SCAP: variants seen among roughly 807,000 people sequenced by gnomAD.
SCAP encodes the protein SREBF chaperone.
SCAP carries 65 observed loss-of-function variants against 123.6 expected under a neutral mutation model. The observed-to-expected ratio is 0.53, with a 90% CI of 0.43 to 0.65. SCAP has a LOEUF of 0.65. SCAP is among the 30% of genes least tolerant of loss of function. The probability of loss-of-function intolerance (pLI) is 0.00; values close to 1 mark genes in which losing one functional copy is unlikely to be tolerated. For missense variants in SCAP, 1,398 were observed against 1,712.5 expected (o/e 0.82, Z 3.24); for synonymous variants, 740 against 726.3 (o/e 1.02, Z -0.30).
At chr3:47,416,793 A>ATTTTTTTTTTTTTT (rs566619829) in intron 18 of SCAP, among the ~76,000 whole-genome samples, 3 of 149,754 alleles carry the variant, frequency 2.0e-5, no homozygotes, top group African/African-American at 7.5e-5. Context: ...CGCCCGGCTA[A>ATTTTTTTTTTTTTT]TTTTTTGTAT....
chr3:47,458,770 G>C (rs1350470936), intron 1 of SCAP, among the ~76,000 whole-genome samples: 1 of 152,148 alleles, frequency 6.6e-6, no homozygotes, highest in Non-Finnish European at 1.5e-5. Flanking sequence ...CTAACAAAGG[G>C]ACTGAACTGC....
At chr3:47,448,355 ATG>A (rs149172776) in intron 1 of SCAP, among the ~76,000 whole-genome samples, 6 of 151,266 alleles carry the variant, frequency 4.0e-5, no homozygotes, top group East Asian at 1.9e-4. Flanking sequence ...GTCTTTCTGC[ATG>A]TGTGTGTGTG....
chr3:47,418,886 G>A, intron 13 of SCAP, 43 bp from the exon 14 acceptor site: 1 of 1,470,760 alleles, frequency 6.8e-7, no homozygotes, highest in Non-Finnish European at 9.0e-7. Flanking sequence ...GGCCTCCCAG[G>A]GCTTCCTCCT....
intron 19 of SCAP, 26 bp from the exon 20 acceptor site, chr3:47,415,019 ATC>A: frequency 6.3e-7 from 1 of 1,579,560 alleles, no homozygotes; most frequent in Non-Finnish European, 8.6e-7. Context: ...CAAGTGAAGA[ATC>A]TCTGAGAAAG....
chr3:47,454,219 TA>T (rs1459428783), intron 1 of SCAP, among the ~76,000 whole-genome samples: 2 of 151,782 alleles, frequency 1.3e-5, no homozygotes, highest in Admixed American at 1.3e-4. Context: ...TACAAAAAAT[TA>T]GCCGGGCGAG....
At position 47,420,460 on chromosome 3, in the gene SCAP, C is replaced by G; in HGVS notation, c.1563+94G>C. The G allele has an allele frequency of 8.5e-7, 1 of 1,170,522 alleles. No homozygotes were observed. The allele number at this position is 1,170,522 out of a possible 1,614,324, so 72.5% of individuals were successfully genotyped here. A position where few individuals can be genotyped will look rare whatever the true frequency, so the allele number is the denominator to read the frequency against. On this transcript the variant is annotated intron_variant, in intron 12 of 22. Transcript: ENST00000265565. This position sits in a 1 kb window ranked among gnomAD's most constrained non-coding sequence, Gnocchi z 5.0. ...AGGGGCCACCAGGGCCTGAGGAATA[C>G]CCTTTGCCACTCTAAGGCCAAGTGC...
At position 47,419,791 on chromosome 3, in the gene SCAP, G is replaced by C; in HGVS notation, c.1564-87C>G. 6.9e-7 allele frequency: 1 copy of C among 1,451,744 alleles called. No individual in the cohort carries two copies. Among genetic ancestry groups the C allele is most frequent in the Admixed American group, 2.4e-5 (1 of 41,290 alleles). 89.9% of individuals were successfully genotyped at this position (1,451,744 alleles called of 1,614,324 possible). ...CCTCATGCTGAGAGGAAGCAGCACA[G>C]GGACCTCAGGCCTGGGGATGGAGAG... is the stretch of plus-strand genomic sequence containing the variant. On this transcript the variant is annotated intron_variant, in intron 12 of 22. Coordinates refer to ENST00000265565, the MANE Select transcript of SCAP (RefSeq NM_012235.4). The surrounding 1 kb of genome is among the most constrained non-coding windows in gnomAD (Gnocchi z 5.0).
At chr3:47,444,255 T>C (rs562426423) in intron 1 of SCAP, among the ~76,000 whole-genome samples, 9 of 152,204 alleles carry the variant, frequency 5.9e-5, no homozygotes, top group Non-Finnish European at 1.0e-4. Context: ...TTCTTCGGTC[T>C]GTGCTAGAGG....
At chr3:47,476,741 A>C (rs1708280877), upstream of SCAP, among the ~76,000 whole-genome samples, 1 of 152,008 alleles carries the variant, frequency 6.6e-6, no homozygotes. Context: ...GGGGAAGGGG[A>C]GGCTGCCTCC....
At chr3:47,440,007 T>C (rs544077345) in intron 2 of SCAP, among the ~76,000 whole-genome samples, 6 of 152,340 alleles carry the variant, frequency 3.9e-5, no homozygotes, top group African/African-American at 1.2e-4. Flanking sequence ...CAAGCTGTCA[T>C]TGATCACCAT....
intron 18 of SCAP, 34 bp from the exon 19 acceptor site, chr3:47,415,214 C>A (rs765536460): frequency 6.3e-7 from 1 of 1,575,840 alleles, no homozygotes; most frequent in Non-Finnish European, 8.6e-7. Flanking sequence ...GGGGCCTCTC[C>A]CTTAGAGCCC....
At chr3:47,448,520 G>T in intron 1 of SCAP, among the ~76,000 whole-genome samples, 1 of 149,578 alleles carries the variant, frequency 6.7e-6, no homozygotes. Context: ...TAAACTTTCT[G>T]TTATTGTCCC....
rs375863599 is a variant in SCAP, at chr3:47,466,068, G to A, written c.-99+9731C>T. Reference sequence around the variant, plus strand: ...GAATCGCTTGAACCCAGGAGGTGGAGTTTGCAGTGAGCCAAGATTGCGTCA... The same window carrying A: ...GAATCGCTTGAACCCAGGAGGTGGAATTTGCAGTGAGCCAAGATTGCGTCA... On this transcript the variant is annotated intron_variant, in intron 1 of 22. Transcript: ENST00000265565. Among the ~76,000 whole-genome samples, 16 of 147,566 alleles carry A rather than the reference G, an allele frequency of 1.1e-4. No homozygotes were observed. The East Asian group carries it at 2.7e-3, about 25-fold the overall frequency.
intron 7 of SCAP, 77 bp from the exon 8 acceptor site, chr3:47,425,688 C>T: frequency 6.6e-7 from 1 of 1,520,606 alleles, no homozygotes; most frequent in South Asian, 1.2e-5. Context: ...GAGTAGGTTG[C>T]CCTGACAGTC....
chr3:47,425,198 G>A, intron 8 of SCAP: 2 of 371,138 alleles, frequency 5.4e-6, no homozygotes, highest in Non-Finnish European at 9.8e-6. Context: ...ACATACTCAT[G>A]TATACACAAA....
In SCAP at chr3:47,420,913, G is replaced by A. The variant is rs1360575310; in HGVS notation, c.1344+18C>T. On this transcript the variant is annotated intron_variant, in intron 11 of 22. Transcript: ENST00000265565. This position sits in a 1 kb window ranked among gnomAD's most constrained non-coding sequence, Gnocchi z 5.0. Reference sequence around the variant, plus strand: ...AGGGCTGAGGAGGCGGGCAGGGCAGGGCTCAGCCCACTCCTACCTCCATCC... The same window carrying A: ...AGGGCTGAGGAGGCGGGCAGGGCAGAGCTCAGCCCACTCCTACCTCCATCC... 2 of 1,607,050 alleles carry A rather than the reference G, an allele frequency of 1.2e-6. No individual in the cohort carries two copies. Among genetic ancestry groups the A allele is most frequent in the Non-Finnish European group, 1.7e-6 (2 of 1,173,858 alleles).
rs754355057 is a variant in SCAP, at chr3:47,420,680, A to G, written c.1437T>C (p.Ala479=). 2.9e-5 allele frequency: 46 copies of G among 1,611,532 alleles called. No homozygotes were observed. The highest frequency in any genetic ancestry group is 3.8e-5 in the Non-Finnish European group (45 of 1,179,948). The change falls in exon 12 of 23, where the codon GCT becomes GCC. Residue 479 remains alanine, a synonymous_variant. Transcript: ENST00000265565. This position sits in a 1 kb window ranked among gnomAD's most constrained non-coding sequence, Gnocchi z 5.0. ...TGGTGTGGGGTGTGGACGGCCTCAC[A>G]GCCAGCTGCCGCTCGTAGCGCGTTG... is the stretch of plus-strand genomic sequence containing the variant. The part of the protein sequence containing the change: ...GQPTRYERQL[A]VRPSTPHTIT...
chr3:47,417,804 C>T lies in SCAP; in HGVS notation c.2470G>A (p.Val824Met), dbSNP rs150328328. ...TCCTGAGCCTCAAGCCCGCTGCCCA[C>T]GCCACTGTCCCGGCGCTGCCTGCTG... ...RPGRQRRDSGVGSGLEAQESW... is the reference protein window; with the variant it reads ...RPGRQRRDSGMGSGLEAQESW... Residue 824 changes from valine to methionine, a missense_variant, in exon 17 of 23, where the codon GTG (valine) becomes ATG (methionine). Val to Met is a conservative substitution (Grantham distance 21, BLOSUM62 1). Coordinates refer to ENST00000265565, the MANE Select transcript of SCAP (RefSeq NM_012235.4). 106 of 1,486,066 alleles carry T rather than the reference C, an allele frequency of 7.1e-5. No homozygotes were observed. The highest frequency in any genetic ancestry group is 1.4e-4 in the South Asian group (12 of 87,280). 92.1% of individuals were successfully genotyped at this position (1,486,066 alleles called of 1,614,324 possible).
intron 1 of SCAP, among the ~76,000 whole-genome samples, chr3:47,457,623 C>T (rs1484505898): frequency 6.6e-6 from 1 of 152,134 alleles, no homozygotes; most frequent in East Asian, 1.9e-4. Context: ...AATTACTTCT[C>T]TGGGCCGGGC....
Sources: allele counts gnomAD v4.1 joint callset (sites outside exome capture counted in the v4.1 genomes callset), GRCh38; gene constraint gnomAD v4.1.1; non-coding constraint Gnocchi (gnomAD v3.1); transcripts MANE v1.5; gene names NCBI Gene and HGNC (gene_info 2026-07-23, HGNC 2026-07-21).